Variants in OR6N2 observed in about 807,000 individuals in gnomAD.
OR6N2 encodes the protein olfactory receptor family 6 subfamily N member 2.
For missense variants in OR6N2, 399 were observed against 379.7 expected (o/e 1.05, Z -0.42); for synonymous variants, 160 against 138.3 (o/e 1.16, Z -1.10).
Position 158,777,358 on chromosome 1 carries a change from G to C in OR6N2, c.278C>G (p.Ser93Cys), listed in dbSNP as rs775512282. ...SNILSEKKTI[S>C]FAGCLLQTYF... ...GGTCTGAAGGAGGCATCCTGCAAAA[G>C]AAATGGTTTTCTTCTCACTGAGAAT... Residue 93 changes from serine (S) to cysteine (C), a missense_variant, in exon 2 of 2, where the codon TCT (serine) becomes TGT (cysteine). Coordinates refer to ENST00000641131, the MANE Select transcript of OR6N2 (RefSeq NM_001005278.2). 17 of 1,614,086 alleles carry C rather than the reference G, an allele frequency of 1.1e-5. No individual in the cohort carries two copies. The East Asian group carries it at 2.5e-4, about 23-fold the overall frequency.
At chr1:158,777,694 C>T (rs563895829) in intron 1 of OR6N2, 53 bp from the exon 2 acceptor site, 93 of 1,073,426 alleles carry the variant, frequency 8.7e-5, no homozygotes, top group Non-Finnish European at 1.2e-4. Context: ...CTGCTGAATC[C>T]ATGCCAAAAC....
At chr1:158,777,776 C>G (rs1657647975) in intron 1 of OR6N2, 135 bp from the exon 2 acceptor site, 2 of 599,526 alleles carry the variant, frequency 3.3e-6, no homozygotes, top group Non-Finnish European at 6.0e-6. Context: ...ACTACTATTA[C>G]TATTACTGTA....
rs771929013 is a variant in OR6N2 at position 158,777,468 on chromosome 1, G to A, written c.168C>T (p.His56=). The A allele has an allele frequency of 6.2e-6, 10 of 1,614,106 alleles. No homozygotes were observed. The highest frequency in any genetic ancestry group is 1.1e-5 in the South Asian group (1 of 91,092). Residue 56 remains histidine (H), a synonymous_variant, in exon 2 of 2, where the codon CAC becomes CAT. Transcript: ENST00000641131. ...FSVIRLDAAL[H]TPMYHFVSVL... ...CACTGACAAAGTGGTACATAGGTGT[G>A]TGCAGAGCTGCATCCAGTCGGATGA...
chr1:158,777,569 C>T lies in OR6N2; in HGVS notation c.67G>A (p.Val23Ile), dbSNP rs112622134. The change falls in exon 2 of 2, where the codon GTC becomes ATC. Residue 23 changes from valine (V) to isoleucine (I), a missense_variant. Physicochemically the swap from Val to Ile is conservative, Grantham distance 29. Transcript: ENST00000641131. ...AGCAGGACAAAAAGCCAGCCCCTGA[C>T]ATAGCCCACACTGGCAAAGCCAAGG... is the stretch of plus-strand genomic sequence containing the variant. ...VFLGFASVGY[V>I]RGWLFVLLLL... 1.2e-6 allele frequency: 2 copies of T among 1,614,068 alleles called. No individual in the cohort carries two copies. Among genetic ancestry groups the T allele is most frequent in the Non-Finnish European group, 1.7e-6 (2 of 1,180,014 alleles).
At position 158,775,663 on chromosome 1, in the gene OR6N2, T is replaced by G. The variant is rs990159379; in HGVS notation, c.*1019A>C. 6.6e-5 allele frequency: 10 copies of G among 152,130 alleles called. No homozygotes were observed. The highest frequency in any genetic ancestry group is 2.4e-4 in the African/African-American group (10 of 41,418). 9.4% of individuals were successfully genotyped at this position (152,130 alleles called of 1,614,324 possible). On this transcript the variant is annotated 3_prime_UTR_variant, in exon 2 of 2. Coordinates refer to ENST00000641131, the MANE Select transcript of OR6N2 (RefSeq NM_001005278.2). ...TAGAATATTATTACATTAATCCAAT[T>G]GAGAGATGTTGGTAATTTACACCAG...
chr1:158,777,221 T>C lies in OR6N2; in HGVS notation c.415A>G (p.Thr139Ala). 6.2e-7 allele frequency: 1 copy of C among 1,613,946 alleles called. No homozygotes were observed. The highest frequency in any genetic ancestry group is 8.5e-7 in the Non-Finnish European group (1 of 1,179,998). ...GCAGCAGCCATCTTGGCACAGAGTGTGGTGGTCATAATTATAGGGTAGTGG... is the reference window on the plus strand; with the variant it reads ...GCAGCAGCCATCTTGGCACAGAGTGCGGTGGTCATAATTATAGGGTAGTGG... ...PLHYPIIMTTTLCAKMAAACW... is the reference protein window; with the variant it reads ...PLHYPIIMTTALCAKMAAACW... Residue 139 changes from threonine (T) to alanine (A), a missense_variant, in exon 2 of 2, where the codon ACA becomes GCA. By Grantham distance (58) the Thr-to-Ala change is moderately conservative. Coordinates refer to ENST00000641131, the MANE Select transcript of OR6N2 (RefSeq NM_001005278.2).
chr1:158,777,306 A>G lies in OR6N2; in HGVS notation c.330T>C (p.Ser110=), dbSNP rs755375112. The part of the protein sequence containing the change: ...QTYFFHSLGA[S]ECYLLTAMAY... ...CCATGGCTGTAAGAAGGTAGCATTC[A>G]GACGCTCCCAAGGAGTGGAAGAAGT... is the stretch of plus-strand genomic sequence containing the variant. Residue 110 remains serine, a synonymous_variant, in exon 2 of 2, where the codon TCT becomes TCC. Coordinates refer to ENST00000641131, the MANE Select transcript of OR6N2 (RefSeq NM_001005278.2). 1 of 1,614,110 alleles carries G rather than the reference A, an allele frequency of 6.2e-7. No homozygotes were observed. Among genetic ancestry groups the G allele is most frequent in the Non-Finnish European group, 8.5e-7 (1 of 1,179,978 alleles).
In OR6N2 at chr1:158,774,500, A is replaced by G. The variant is rs141607227; in HGVS notation, c.*2182T>C. 6.6e-6 allele frequency: 1 copy of G among 152,276 alleles called. No homozygotes were observed. Among genetic ancestry groups the G allele is most frequent in the East Asian group, 1.9e-4 (1 of 5,172 alleles). The allele number at this position is 152,276 out of a possible 1,614,324, so 9.4% of individuals were successfully genotyped here. A position where few individuals can be genotyped will look rare whatever the true frequency, so the allele number is the denominator to read the frequency against. ...TGAACTCTCACTACACATGCCCCAC[A>G]TTGTACCACAGCGGAGGGACCCAAA... On this transcript the variant is annotated 3_prime_UTR_variant, in exon 2 of 2. Coordinates refer to ENST00000641131, the MANE Select transcript of OR6N2 (RefSeq NM_001005278.2).
At position 158,780,535 on chromosome 1, in the gene OR6N2, C is replaced by T. The variant is rs1249582326; in HGVS notation, c.-7+635G>A. ...TATCATAATGAAGATAAGCTGAAAA[C>T]GCATGTAATATACCCAAACATCATA... On this transcript the variant is annotated intron_variant, in intron 1 of 1. Transcript: ENST00000641131. Among the ~76,000 whole-genome samples, 12 of 152,270 alleles carry T rather than the reference C, an allele frequency of 7.9e-5. No homozygotes were observed. The South Asian group carries it at 1.4e-3, about 18-fold the overall frequency.
chr1:158,777,660 G>A lies in OR6N2; in HGVS notation c.-6-19C>T. 5 of 1,479,564 alleles carry A rather than the reference G, an allele frequency of 3.4e-6. No homozygotes were observed. Among genetic ancestry groups the A allele is most frequent in the Non-Finnish European group, 4.7e-6 (5 of 1,071,568 alleles). 91.7% of individuals were successfully genotyped at this position (1,479,564 alleles called of 1,614,324 possible). A position where few individuals can be genotyped will look rare whatever the true frequency, so the allele number is the denominator to read the frequency against. On this transcript the variant is annotated intron_variant, in intron 1 of 1. Transcript: ENST00000641131. ...TGGGAGGCTGAGGTAAAGAAGGAAA[G>A]AAGAAAACATTGGATTGAGATGACT...
At chr1:158,779,477 C>T (rs2102016937) in intron 1 of OR6N2, among the ~76,000 whole-genome samples, 1 of 152,336 alleles carries the variant, frequency 6.6e-6, no homozygotes, top group South Asian at 2.1e-4. Flanking sequence ...CAATACTTTC[C>T]TTGCAACTCT....
chr1:158,775,439 T>A lies in OR6N2; in HGVS notation c.*1243A>T, dbSNP rs961922184. The stretch of plus-strand genomic sequence containing the variant: ...GAGGGAGTAGAGGTATGAATCTATG[T>A]TGAAGAGGAAGGCAGGGAAGAATTC... On this transcript the variant is annotated 3_prime_UTR_variant, in exon 2 of 2. Transcript: ENST00000641131. 1.3e-5 allele frequency: 2 copies of A among 152,160 alleles called. No individual in the cohort carries two copies. The highest frequency in any genetic ancestry group is 2.9e-5 in the Non-Finnish European group (2 of 68,016). The allele number at this position is 152,160 out of a possible 1,614,324, so 9.4% of individuals were successfully genotyped here.
At position 158,776,891 on chromosome 1, in the gene OR6N2, G is replaced by A; in HGVS notation, c.745C>T (p.Leu249Phe). 1 of 1,614,094 alleles carries A rather than the reference G, an allele frequency of 6.2e-7. No homozygotes were observed. The highest frequency in any genetic ancestry group is 8.5e-7 in the Non-Finnish European group (1 of 1,179,998). ...STCASHLAVV[L>F]IFFGSIIFMY... ...AAGATGATGCTCCCAAAGAAGATGAGGACCACAGCAAGATGTGAGGCACAG... is the reference window on the plus strand; with the variant it reads ...AAGATGATGCTCCCAAAGAAGATGAAGACCACAGCAAGATGTGAGGCACAG... The change falls in exon 2 of 2, where the codon CTC (leucine) becomes TTC (phenylalanine). Residue 249 changes from leucine (L) to phenylalanine (F), a missense_variant. Coordinates refer to ENST00000641131, the MANE Select transcript of OR6N2 (RefSeq NM_001005278.2).
rs1657575425 is a variant in OR6N2, at chr1:158,775,733, A to C, written c.*949T>G. 1 of 151,390 alleles carries C rather than the reference A, an allele frequency of 6.6e-6. No individual in the cohort carries two copies. 9.4% of individuals were successfully genotyped at this position (151,390 alleles called of 1,614,324 possible). On this transcript the variant is annotated 3_prime_UTR_variant, in exon 2 of 2. Transcript: ENST00000641131. The stretch of plus-strand genomic sequence containing the variant: ...ATAAGAAATAAATTGATTTAAGAAT[A>C]TATTTTGTGAAAAGATTGTTGGCAT...
intron 1 of OR6N2, 28 bp downstream of exon 1, chr1:158,781,142 T>C (rs1045274188): frequency 6.6e-6 from 1 of 152,244 alleles, no homozygotes; most frequent in African/African-American, 2.4e-5. Flanking sequence ...CTGATCAATA[T>C]AGTTAATGTG....
Position 158,777,536 on chromosome 1 carries a change from C to T in OR6N2, c.100G>A (p.Ala34Thr). 3 of 1,614,054 alleles carry T rather than the reference C, an allele frequency of 1.9e-6. No homozygotes were observed. The highest frequency in any genetic ancestry group is 2.5e-6 in the Non-Finnish European group (3 of 1,180,002). The change falls in exon 2 of 2, where the codon GCA becomes ACA. Residue 34 changes from alanine (A) to threonine (T), a missense_variant. Physicochemically the swap from Ala to Thr is moderately conservative, Grantham distance 58 (BLOSUM62 0). Transcript: ENST00000641131. Reference protein sequence around the residue: ...RGWLFVLLLLAYLFTICGNML... With the variant: ...RGWLFVLLLLTYLFTICGNML... ...TTACCACAGATGGTGAACAGGTATGCCAATAGCAGCAGGACAAAAAGCCAG... is the reference window on the plus strand; with the variant it reads ...TTACCACAGATGGTGAACAGGTATGTCAATAGCAGCAGGACAAAAAGCCAG...
intron 1 of OR6N2, among the ~76,000 whole-genome samples, chr1:158,778,373 T>C (rs2102015962): frequency 1.3e-5 from 2 of 152,212 alleles, no homozygotes; most frequent in Middle Eastern, 3.4e-3. Context: ...GCCCGTAAGA[T>C]GAATTTTCCA....
intron 1 of OR6N2, among the ~76,000 whole-genome samples, chr1:158,779,605 ACT>A (rs1327895779): frequency 6.6e-6 from 1 of 152,056 alleles, no homozygotes; most frequent in Non-Finnish European, 1.5e-5. Context: ...TACTTAAAAG[ACT>A]CTTCTTGATT....
rs1364252180 is a variant in OR6N2, at chr1:158,777,699, C to T, written c.-6-58G>A. 4 of 1,031,424 alleles carry T rather than the reference C, an allele frequency of 3.9e-6. No homozygotes were observed. The African/African-American group carries it at 6.4e-5, about 17-fold the overall frequency. The allele number at this position is 1,031,424 out of a possible 1,614,324, so 63.9% of individuals were successfully genotyped here. A position where few individuals can be genotyped will look rare whatever the true frequency, so the allele number is the denominator to read the frequency against. On this transcript the variant is annotated intron_variant, in intron 1 of 1. Coordinates refer to ENST00000641131, the MANE Select transcript of OR6N2 (RefSeq NM_001005278.2). ...ATTGAGATGACTGCTGAATCCATGCCAAAACTTCATTTCTCTCTCTCTCTT... is the reference window on the plus strand; with the variant it reads ...ATTGAGATGACTGCTGAATCCATGCTAAAACTTCATTTCTCTCTCTCTCTT...
Sources: allele counts gnomAD v4.1 joint callset (sites outside exome capture counted in the v4.1 genomes callset), GRCh38; gene constraint gnomAD v4.1.1; transcripts MANE v1.5; gene names NCBI Gene and HGNC (gene_info 2026-07-23, HGNC 2026-07-21).